The following CDH22 variants were observed in gnomAD, a reference collection of about 807,000 sequenced individuals.
CDH22 encodes cadherin-22.
CDH22 carries 30 observed loss-of-function variants against 58.4 expected under a neutral mutation model. That is an observed-to-expected ratio of 0.51 (90% CI 0.38 to 0.70). The LOEUF (loss-of-function observed/expected upper bound fraction) is 0.70. Among genes scored for constraint, CDH22 ranks in the 30% least tolerant of loss-of-function variants. The probability of loss-of-function intolerance (pLI) is 0.00; values close to 1 mark genes in which losing one functional copy is unlikely to be tolerated. For missense variants in CDH22, 1,014 were observed against 1,233.9 expected, an observed-to-expected ratio of 0.82 and a Z score of 2.67; for synonymous variants, 513 against 558.2, an observed-to-expected ratio of 0.92 and a Z score of 1.14.
intron 3 of CDH22, among the ~76,000 whole-genome samples, chr20:46,238,874 T>G (rs2086271700): frequency 1.3e-5 from 2 of 152,244 alleles, no homozygotes; most frequent in African/African-American, 4.8e-5. Flanking sequence ...GTCCTGATCA[T>G]GTCATTTTTC....
Position 46,308,324 on chromosome 20 carries a change from C to A in CDH22, c.-469G>T, listed in dbSNP as rs1412800349. 5.9e-6 allele frequency: 1 copy of A among 170,558 alleles called. No homozygotes were observed. Among genetic ancestry groups the A allele is most frequent in the Non-Finnish European group, 1.3e-5 (1 of 79,724 alleles). 10.6% of individuals were successfully genotyped at this position (170,558 alleles called of 1,614,324 possible). A position where few individuals can be genotyped will look rare whatever the true frequency, so the allele number is the denominator to read the frequency against. On this transcript the variant is annotated 5_prime_UTR_variant, in exon 1 of 12. Coordinates refer to ENST00000537909, the MANE Select transcript of CDH22 (RefSeq NM_021248.3). The surrounding 1 kb of genome is among the most constrained non-coding windows in gnomAD (Gnocchi z 4.3). ...ACGCTGCGTGGGGCGGGAGCCCCGG[C>A]GCGGGCAGCGGGCGAGTCCGGAGCC...
At position 46,251,388 on chromosome 20, in the gene CDH22, T is replaced by C. The variant is rs2086373830; in HGVS notation, c.-94A>G. On this transcript the variant is annotated 5_prime_UTR_variant, in exon 2 of 12. An upstream start codon of the reference 5' UTR is lost. Transcript: ENST00000537909. This position sits in a 1 kb window ranked among gnomAD's most constrained non-coding sequence, Gnocchi z 6.7. ...CACAACGATGCGGCGCCGTGTCACA[T>C]GGTGGCCTCAGCGCGGCCGCCGGGA... 1 of 1,329,880 alleles carries C rather than the reference T, an allele frequency of 7.5e-7. No individual in the cohort carries two copies. 82.4% of individuals were successfully genotyped at this position (1,329,880 alleles called of 1,614,324 possible).
intron 7 of CDH22, among the ~76,000 whole-genome samples, chr20:46,204,407 AAAAAAAAAAAAGAG>A (rs2085984207): frequency 6.6e-6 from 1 of 151,256 alleles, no homozygotes; most frequent in African/African-American, 2.4e-5. Flanking sequence ...AAAAAAAAAA[AAAAAAAAAAAAGAG>A]AGAGAGACAG....
intron 4 of CDH22, among the ~76,000 whole-genome samples, chr20:46,226,286 C>T (rs1033236151): frequency 0.014 from 34 of 2,426 alleles, 1 homozygote; most frequent in Non-Finnish European, 0.021. Flanking sequence ...TCTTCTTCTT[C>T]TTCTTCTTTT....
chr20:46,196,619 G>A (rs2085904924), intron 8 of CDH22, among the ~76,000 whole-genome samples: 1 of 152,208 alleles, frequency 6.6e-6, no homozygotes. Flanking sequence ...AACAGGACTG[G>A]AGGGGCAGCT....
intron 7 of CDH22, among the ~76,000 whole-genome samples, chr20:46,200,573 C>T (rs1364002439): frequency 6.6e-6 from 1 of 152,046 alleles, no homozygotes; most frequent in Admixed American, 6.6e-5. Context: ...TGAACCACTG[C>T]ACCCTGCCGA....
intron 3 of CDH22, among the ~76,000 whole-genome samples, chr20:46,234,719 A>G (rs1039881458): frequency 6.6e-6 from 1 of 152,170 alleles, no homozygotes; most frequent in African/African-American, 2.4e-5. Context: ...TTACTAATCC[A>G]TCATGGCATT....
At chr20:46,262,078 A>C (rs1362178961) in intron 1 of CDH22, among the ~76,000 whole-genome samples, 5 of 152,088 alleles carry the variant, frequency 3.3e-5, no homozygotes, top group African/African-American at 4.8e-5. Context: ...GTGCTCAATA[A>C]GTGTGGAGCG....
chr20:46,208,080 C>T (rs1320999408), intron 7 of CDH22, among the ~76,000 whole-genome samples: 1 of 152,168 alleles, frequency 6.6e-6, no homozygotes, highest in East Asian at 1.9e-4. Flanking sequence ...TCCCCCTCTC[C>T]TCAATGCCCA....
rs1350908831 is a variant in CDH22 at position 46,227,524 on chromosome 20, G to C, written c.654C>G (p.Thr218=). The change falls in exon 4 of 12, where the codon ACC becomes ACG. Residue 218 remains threonine, a synonymous_variant. Coordinates refer to ENST00000537909, the MANE Select transcript of CDH22 (RefSeq NM_021248.3). ...GCCCCTCACCGGTCTTGGGGTCCAC[G>C]GTGAAGTGGTGCTCGCCGTCCAGCA... is the stretch of plus-strand genomic sequence containing the variant. ...YSVLDGEHHF[T]VDPKTGVIRT... The C allele has an allele frequency of 1.4e-6, 2 of 1,389,932 alleles. No individual in the cohort carries two copies. Among genetic ancestry groups the C allele is most frequent in the Non-Finnish European group, 1.9e-6 (2 of 1,041,462 alleles). 86.1% of individuals were successfully genotyped at this position (1,389,932 alleles called of 1,614,324 possible).
intron 1 of CDH22, among the ~76,000 whole-genome samples, chr20:46,285,953 G>C (rs1024632784): frequency 6.6e-6 from 1 of 152,150 alleles, no homozygotes; most frequent in Admixed American, 6.5e-5. Context: ...AAATGGGCAC[G>C]ACAGGCTGTC....
At chr20:46,281,247 C>T (rs1005720324) in intron 1 of CDH22, among the ~76,000 whole-genome samples, 1 of 152,144 alleles carries the variant, frequency 6.6e-6, no homozygotes, top group Non-Finnish European at 1.5e-5. Context: ...TGCCTGGAGG[C>T]AGGGAGGCCT....
chr20:46,308,426 T>TGAGCGAGAGAGCGAGAGAGCGAGA lies in CDH22; in HGVS notation c.-595_-572dup, dbSNP rs577421615. On this transcript the variant is annotated 5_prime_UTR_variant, in exon 1 of 12. Transcript: ENST00000537909. This position sits in a 1 kb window ranked among gnomAD's most constrained non-coding sequence, Gnocchi z 4.3. ...GCGGCGGCGTGTGCGCGCGTGTGTG[T>TGAGCGAGAGAGCGAGAGAGCGAGA]GAGCGAGAGAGCGAGAGAGCGAGAG... 1.4e-5 allele frequency: 3 copies of TGAGCGAGAGAGCGAGAGAGCGAGA among 215,158 alleles called. No individual in the cohort carries two copies. The highest frequency in any genetic ancestry group is 1.9e-5 in the Non-Finnish European group (2 of 106,810). 13.3% of individuals were successfully genotyped at this position (215,158 alleles called of 1,614,324 possible). A position where few individuals can be genotyped will look rare whatever the true frequency, so the allele number is the denominator to read the frequency against.
intron 3 of CDH22, among the ~76,000 whole-genome samples, chr20:46,237,508 G>C (rs1453062747): frequency 6.6e-6 from 1 of 152,192 alleles, no homozygotes; most frequent in Non-Finnish European, 1.5e-5. Context: ...TTTCAAAGCT[G>C]CCTGGAGTCT....
At chr20:46,209,222 A>G (rs2086021371) in intron 7 of CDH22, among the ~76,000 whole-genome samples, 1 of 152,162 alleles carries the variant, frequency 6.6e-6, no homozygotes, top group African/African-American at 2.4e-5. Flanking sequence ...ACCTGGAGGA[A>G]GTGAGAGAGC....
chr20:46,240,371 T>C (rs941485185), intron 3 of CDH22, among the ~76,000 whole-genome samples: 3 of 152,106 alleles, frequency 2.0e-5, no homozygotes, highest in African/African-American at 7.2e-5. Flanking sequence ...GAGTGTGTGG[T>C]TGGGCCCTGT....
intron 1 of CDH22, among the ~76,000 whole-genome samples, chr20:46,299,301 C>T (rs79181143): frequency 0.027 from 4,130 of 152,352 alleles, 67 homozygotes; most frequent in Non-Finnish European, 0.041. Context: ...GTCATCCTAG[C>T]TTCAACACAC....
At chr20:46,180,771 T>C (rs1212998248) in intron 10 of CDH22, among the ~76,000 whole-genome samples, 1 of 152,134 alleles carries the variant, frequency 6.6e-6, no homozygotes, top group African/African-American at 2.4e-5. Context: ...TCTCACTCTG[T>C]CACCCAGGCT....
intron 10 of CDH22, among the ~76,000 whole-genome samples, chr20:46,179,441 A>T (rs1040576873): frequency 6.6e-6 from 1 of 152,116 alleles, no homozygotes; most frequent in Non-Finnish European, 1.5e-5. Context: ...CTCATCATGG[A>T]TGCTATGCAG....
Sources: allele counts gnomAD v4.1 joint callset (sites outside exome capture counted in the v4.1 genomes callset), GRCh38; gene constraint gnomAD v4.1.1; non-coding constraint Gnocchi (gnomAD v3.1); transcripts MANE v1.5; gene names NCBI Gene and HGNC (gene_info 2026-07-23, HGNC 2026-07-21).